Variants in ZNF550 observed in about 807,000 individuals in gnomAD.
ZNF550 encodes zinc finger protein 550.
In ZNF550, 42 loss-of-function variants were observed where a neutral mutation model predicts 40.2. The ratio of observed to expected loss-of-function variants is 1.05; its 90% CI spans 0.82 to 1.35. ZNF550 has a LOEUF of 1.35. Ranked by LOEUF, ZNF550 falls within the 40% of genes most tolerant of loss-of-function variation. The pLI, the probability that ZNF550 is intolerant of heterozygous loss-of-function variation, is 0.00. For missense variants in ZNF550, 549 were observed against 525.2 expected, an observed-to-expected ratio of 1.05 and a Z score of -0.44; for synonymous variants, 223 against 198.6, an observed-to-expected ratio of 1.12 and a Z score of -1.03.
intron 4 of ZNF550, among the ~76,000 whole-genome samples, chr19:57,545,112 A>G (rs2089996817): frequency 1.3e-5 from 2 of 152,172 alleles, no homozygotes; most frequent in African/African-American, 2.4e-5. Context: ...GCGGAGTGAG[A>G]CTCCATCTCA....
intron 3 of ZNF550, among the ~76,000 whole-genome samples, chr19:57,550,949 G>A (rs772027217): frequency 6.6e-6 from 1 of 152,214 alleles, no homozygotes; most frequent in Non-Finnish European, 1.5e-5. Context: ...TTTTCGCCAA[G>A]TGTAAGCAAT....
At chr19:57,543,280 T>C in intron 4 of ZNF550, 2 of 771,732 alleles carry the variant, frequency 2.6e-6, no homozygotes, top group Non-Finnish European at 3.1e-6. Context: ...ATTTCAAACA[T>C]TTCCACATGT....
At chr19:57,543,371 T>G (rs2089978500) in intron 4 of ZNF550, 1 of 242,554 alleles carries the variant, frequency 4.1e-6, no homozygotes, top group Non-Finnish European at 6.6e-6. Context: ...AAATACCATT[T>G]AACTGGGTGA....
At chr19:57,551,803 T>C (rs2090074972) in intron 3 of ZNF550, among the ~76,000 whole-genome samples, 1 of 152,198 alleles carries the variant, frequency 6.6e-6, no homozygotes, top group South Asian at 2.1e-4. Context: ...GCTACACTCA[T>C]CAGCACAGAT....
exon 5 of ZNF550, chr19:57,543,140 C>G: frequency 8.1e-6 from 5 of 618,512 alleles, no homozygotes; most frequent in Non-Finnish European, 1.0e-5. Flanking sequence ...ACTTCTGGTG[C>G]TTTCCTTCTT....
At chr19:57,559,814 G>A (rs1200537886) in exon 1 of ZNF550, 3 of 785,598 alleles carry the variant, frequency 3.8e-6, no homozygotes, top group Admixed American at 8.1e-5. Context: ...TGAGAGCGCG[G>A]ACCAACACGC....
At chr19:57,547,058 C>T (rs772428586) in exon 4 of ZNF550, 2 of 1,613,830 alleles carry the variant, frequency 1.2e-6, no homozygotes, top group South Asian at 2.2e-5. Context: ...TAGGGCATCT[C>T]CCCAGTGTGG....
rs746014880 is a variant in ZNF550 at position 57,547,679 on chromosome 19, G to A, written c.565C>T (p.Gln189Ter). 4.3e-6 allele frequency: 7 copies of A among 1,614,070 alleles called. No homozygotes were observed. Among genetic ancestry groups the A allele is most frequent in the African/African-American group, 4.0e-5 (3 of 74,906 alleles). Residue 189 changes from glutamine to a stop codon, truncating the protein, a stop_gained, in exon 4 of 5, where the codon CAA becomes TAA. Coordinates refer to ENST00000457177, the Ensembl canonical transcript of ZNF550. LOFTEE classifies it high-confidence loss of function. ...TGAATCAAGGCGTCTTTCCCTGGTT[G>A]CTGTGAGTCACATTCATGGAGAACA...
chr19:57,549,898 G>A (rs1174934508), intron 3 of ZNF550, among the ~76,000 whole-genome samples: 1 of 152,156 alleles, frequency 6.6e-6, no homozygotes, highest in Non-Finnish European at 1.5e-5. Flanking sequence ...TGTGTCAAGT[G>A]GGTTGATACT....
In ZNF550 at chr19:57,552,824, G is replaced by C. The variant is rs555104022; in HGVS notation, c.155-102C>G. The C allele has an allele frequency of 3.7e-6, 3 of 814,396 alleles. No individual in the cohort carries two copies. In the African/African-American group the frequency reaches 5.1e-5, roughly 14 times the overall value. The allele number at this position is 814,396 out of a possible 1,614,324, so 50.4% of individuals were successfully genotyped here. On this transcript the variant is annotated intron_variant, in intron 2 of 4. Transcript: ENST00000457177. Reference sequence around the variant, plus strand: ...ATGACAGGGTCCAGACATGAATGCAGCTGCTCCCAAAGTAAGCAAAATGCT... The same window carrying C: ...ATGACAGGGTCCAGACATGAATGCACCTGCTCCCAAAGTAAGCAAAATGCT...
At chr19:57,552,989 A>G in intron 2 of ZNF550, 1 of 383,896 alleles carries the variant, frequency 2.6e-6, no homozygotes, top group Non-Finnish European at 4.7e-6. Flanking sequence ...AAATGAGGCC[A>G]CAAGGGTGGA....
chr19:57,548,989 TG>T (rs762854470), intron 3 of ZNF550, among the ~76,000 whole-genome samples: 7 of 152,080 alleles, frequency 4.6e-5, no homozygotes, highest in Non-Finnish European at 8.8e-5. Flanking sequence ...AGATGGTTAC[TG>T]GAAACTGGGA....
At chr19:57,552,760 A>T in intron 2 of ZNF550, 38 bp from the exon 3 acceptor site, 5 of 1,473,290 alleles carry the variant, frequency 3.4e-6, no homozygotes, top group South Asian at 2.3e-5. Context: ...GGGTAATTTA[A>T]TGAGAAAATG....
At chr19:57,559,836 C>T in exon 1 of ZNF550, 2 of 598,114 alleles carry the variant, frequency 3.3e-6, no homozygotes, top group South Asian at 6.3e-5. Context: ...CCACCACAAA[C>T]GTCCACGCCA....
At chr19:57,544,485 C>T (rs1307924035) in intron 4 of ZNF550, 2 of 985,264 alleles carry the variant, frequency 2.0e-6, no homozygotes, top group African/African-American at 1.7e-5. Flanking sequence ...ACAGCCACAG[C>T]TACAATACAT....
chr19:57,560,265 A>T (rs534436167), upstream of ZNF550, among the ~76,000 whole-genome samples: 11 of 152,110 alleles, frequency 7.2e-5, no homozygotes, highest in African/African-American at 2.7e-4. Flanking sequence ...TGTCCCTGGG[A>T]CTGGCGTGGA....
chr19:57,552,057 CTG>C (rs1216393189), intron 3 of ZNF550, among the ~76,000 whole-genome samples: 1 of 152,210 alleles, frequency 6.6e-6, no homozygotes, highest in Non-Finnish European at 1.5e-5. Context: ...ATGATTAAAA[CTG>C]TTCATGCATA....
chr19:57,544,639 G>A, intron 4 of ZNF550: 2 of 983,374 alleles, frequency 2.0e-6, no homozygotes, highest in Non-Finnish European at 2.4e-6. Flanking sequence ...TTTATAATAT[G>A]TGCAAAAGGA....
chr19:57,559,519 G>T, intron 1 of ZNF550, 137 bp downstream of exon 1: 1 of 832,286 alleles, frequency 1.2e-6, no homozygotes, highest in Non-Finnish European at 1.6e-6. Context: ...ACCCGGGACC[G>T]CGCGACCCCC....
Sources: allele counts gnomAD v4.1 joint callset (sites outside exome capture counted in the v4.1 genomes callset), GRCh38; gene constraint gnomAD v4.1.1; transcripts MANE v1.5; gene names NCBI Gene and HGNC (gene_info 2026-07-23, HGNC 2026-07-21).